The following PREX1 variants were observed in gnomAD, a reference collection of about 807,000 sequenced individuals.
PREX1 encodes the protein phosphatidylinositol-3,4,5-trisphosphate dependent Rac exchange factor 1, also known as phosphatidylinositol 3,4,5-trisphosphate-dependent Rac exchanger 1 protein.
In PREX1, 41 loss-of-function variants were observed where a neutral mutation model predicts 198.3. That is an observed-to-expected ratio of 0.21 (90% confidence interval 0.16 to 0.27). PREX1 has a LOEUF of 0.27. PREX1 is among the 10% of genes least tolerant of loss of function. The pLI is 1.00. For synonymous variants in PREX1, 843 were observed against 887.2 expected (o/e 0.95, Z 0.89); for missense variants, 1,620 against 2,200.7 (o/e 0.74, Z 5.28).
chr20:48,641,885 A>C (rs556216880), intron 29 of PREX1, among the ~76,000 whole-genome samples: 1 of 128,454 alleles, frequency 7.8e-6, no homozygotes, highest in South Asian at 3.2e-4. Flanking sequence ...GAAGGAAGGA[A>C]GGAAGGAAGG....
intron 1 of PREX1, among the ~76,000 whole-genome samples, chr20:48,816,248 C>G (rs992041154): frequency 6.6e-6 from 1 of 152,096 alleles, no homozygotes; most frequent in African/African-American, 2.4e-5. Context: ...GCACAGTGGT[C>G]ACAAATATGG....
At position 48,655,877 on chromosome 20, in the gene PREX1, G is replaced by A. The variant is rs563116010; in HGVS notation, c.2124-502C>T. ...CAGCACCTGCCAGGGAGGGCAATGGGTGTCACTGCTCCTGGAGCATCAGTA... is the reference window on the plus strand; with the variant it reads ...CAGCACCTGCCAGGGAGGGCAATGGATGTCACTGCTCCTGGAGCATCAGTA... On this transcript the variant is annotated intron_variant, in intron 18 of 39. Coordinates refer to ENST00000371941, the MANE Select transcript of PREX1 (RefSeq NM_020820.4). Among the ~76,000 whole-genome samples the A allele has an allele frequency of 1.4e-4, 22 of 152,262 alleles. No homozygotes were observed. The South Asian group carries it at 4.6e-3, about 32-fold the overall frequency.
chr20:48,659,836 G>A, intron 16 of PREX1, 83 bp downstream of exon 16: 1 of 1,584,336 alleles, frequency 6.3e-7, no homozygotes, highest in South Asian at 1.1e-5. Flanking sequence ...CCCCTTCCCT[G>A]TGCATAACCA....
chr20:48,816,569 G>A lies in PREX1; in HGVS notation c.219+11073C>T, dbSNP rs561385768. On this transcript the variant is annotated intron_variant, in intron 1 of 39. Transcript: ENST00000371941. ...CACTTCTAGGCCCTTCCTAAAGGAAGAGATTCAAAGCAAGTGATTCACCTG... is the reference window on the plus strand; with the variant it reads ...CACTTCTAGGCCCTTCCTAAAGGAAAAGATTCAAAGCAAGTGATTCACCTG... Among the ~76,000 whole-genome samples, 4 of 152,290 alleles carry A rather than the reference G, an allele frequency of 2.6e-5. No individual in the cohort carries two copies. In the South Asian group the frequency reaches 8.3e-4, roughly 32 times the overall value.
chr20:48,760,386 G>A (rs2090173965), intron 1 of PREX1, among the ~76,000 whole-genome samples: 1 of 151,988 alleles, frequency 6.6e-6, no homozygotes, highest in Non-Finnish European at 1.5e-5. Context: ...GGTGAGATGA[G>A]AAGGGGAAGG....
intron 15 of PREX1, among the ~76,000 whole-genome samples, chr20:48,663,440 T>A (rs2089611649): frequency 6.6e-6 from 1 of 152,116 alleles, no homozygotes; most frequent in Non-Finnish European, 1.5e-5. Flanking sequence ...GGCAGGAGAA[T>A]CACTTGAACC....
At chr20:48,787,377 A>G (rs936559371) in intron 1 of PREX1, among the ~76,000 whole-genome samples, 1 of 152,048 alleles carries the variant, frequency 6.6e-6, no homozygotes, top group Non-Finnish European at 1.5e-5. Flanking sequence ...AACAAACAAA[A>G]AAAAAAAAGA....
At chr20:48,823,398 G>T (rs980146497) in intron 1 of PREX1, among the ~76,000 whole-genome samples, 1 of 152,182 alleles carries the variant, frequency 6.6e-6, no homozygotes, top group Non-Finnish European at 1.5e-5. Flanking sequence ...CTAGGGGAGT[G>T]GGGGGCAAGC....
intron 1 of PREX1, among the ~76,000 whole-genome samples, chr20:48,783,514 G>A (rs1202448886): frequency 2.6e-5 from 4 of 152,126 alleles, no homozygotes; most frequent in African/African-American, 9.7e-5. Context: ...CCAGAGGTGG[G>A]GATGGTACAA....
chr20:48,725,275 T>C (rs1330174998), intron 5 of PREX1, among the ~76,000 whole-genome samples: 1 of 152,244 alleles, frequency 6.6e-6, no homozygotes, highest in Non-Finnish European at 1.5e-5. Flanking sequence ...AAAACACAGC[T>C]GCCTTCAGGA....
chr20:48,868,347 C>T, the PREX1 span, among the ~76,000 whole-genome samples: 12 of 151,824 alleles, frequency 7.9e-5, no homozygotes, highest in African/African-American at 1.2e-4. Flanking sequence ...GACAGAGTTT[C>T]GCTCTTGTTA....
At chr20:48,645,749 C>A (rs543862741) in intron 26 of PREX1, 102 bp downstream of exon 26, 7 of 1,329,090 alleles carry the variant, frequency 5.3e-6, no homozygotes, top group Admixed American at 2.0e-5. Context: ...GCCCACTGCA[C>A]CCTGAGAAGT....
intron 5 of PREX1, among the ~76,000 whole-genome samples, chr20:48,718,811 AT>A (rs1252886654): frequency 6.6e-6 from 1 of 152,230 alleles, no homozygotes; most frequent in African/African-American, 2.4e-5. Context: ...TTTTACAGAT[AT>A]TTTTCATTTC....
At chr20:48,769,810 C>G (rs1555139) in intron 1 of PREX1, among the ~76,000 whole-genome samples, 40,445 of 152,150 alleles carry the variant, frequency 0.27, 6,327 homozygotes, top group Admixed American at 0.34. Context: ...GCAGCCCAGC[C>G]CTCTAATTTT....
intron 13 of PREX1, among the ~76,000 whole-genome samples, chr20:48,677,229 C>A (rs752284501): frequency 6.6e-6 from 1 of 152,166 alleles, no homozygotes; most frequent in Non-Finnish European, 1.5e-5. Flanking sequence ...CTGGGGCTTG[C>A]ACAAGAGCAG....
At chr20:48,865,574 T>C in the PREX1 span, among the ~76,000 whole-genome samples, 1 of 152,228 alleles carries the variant, frequency 6.6e-6, no homozygotes, top group South Asian at 2.1e-4. Flanking sequence ...GCTCTGTCTA[T>C]AGAGGTGTTG....
chr20:48,740,026 G>T (rs1377538600), intron 3 of PREX1, among the ~76,000 whole-genome samples: 1 of 152,156 alleles, frequency 6.6e-6, no homozygotes, highest in Admixed American at 6.5e-5. Context: ...GGGGAAAGGG[G>T]GTGAGGGACT....
At chr20:48,847,369 A>AAAAAAAAAAAC in the PREX1 span, among the ~76,000 whole-genome samples, 4 of 150,618 alleles carry the variant, frequency 2.7e-5, no homozygotes, top group African/African-American at 9.8e-5. Context: ...TCTTATAAAA[A>AAAAAAAAAAAC]AAAAAAAAAA....
rs769455129 is a variant in PREX1, at chr20:48,651,484, A to G, written c.2567T>C (p.Val856Ala). 1 of 1,614,166 alleles carries G rather than the reference A, an allele frequency of 6.2e-7. No homozygotes were observed. The highest frequency in any genetic ancestry group is 2.2e-5 in the East Asian group (1 of 44,880). ...GCCTGCCGTGCTCACATACTCATAC[A>G]CCACGCCGTGTTCCAGGTGCACGTT... is the stretch of plus-strand genomic sequence containing the variant. ...VDNVHLEHGV[V>A]YEYVSTAGVR... Residue 856 changes from valine (V) to alanine (A), a missense_variant, in exon 22 of 40, where the codon GTG becomes GCG. By Grantham distance (64) the Val-to-Ala change is moderately conservative (BLOSUM62 0). This residue lies in a region of PREX1 where 514 missense variants were observed against 611.6 expected (regional missense o/e 0.84). Transcript: ENST00000371941.
Sources: gnomAD v4.1 joint callset for allele counts (sites outside exome capture counted in the v4.1 genomes callset) on GRCh38, gnomAD v4.1.1 for gene constraint, gnomAD v4.1.1 regional missense constraint, MANE v1.5 for transcripts, NCBI Gene and HGNC (gene_info 2026-07-23, HGNC 2026-07-21) for gene names.